HHIPL1: variants seen among roughly 807,000 people sequenced by gnomAD.
The protein encoded by HHIPL1 is HHIP-like protein 1.
HHIPL1 carries 43 observed loss-of-function variants against 61.8 expected under a neutral mutation model. That is an observed-to-expected ratio of 0.70 (90% CI 0.55 to 0.90). The LOEUF (loss-of-function observed/expected upper bound fraction) is 0.90. Ranked by LOEUF, HHIPL1 falls within the 40% of genes least tolerant of loss-of-function variation. The probability of loss-of-function intolerance (pLI) is 0.00; values close to 1 mark genes in which losing one functional copy is unlikely to be tolerated. For synonymous variants in HHIPL1, 482 were observed against 515.8 expected, an observed-to-expected ratio of 0.93 and a Z score of 0.89; for missense variants, 1,056 against 1,157.7, an observed-to-expected ratio of 0.91 and a Z score of 1.28.
the HHIPL1 span, among the ~76,000 whole-genome samples, chr14:99,611,742 T>G: frequency 2.8e-5 from 1 of 35,644 alleles, no homozygotes; most frequent in African/African-American, 4.5e-5. Flanking sequence ...TTTTGGGTTG[T>G]TTTTTTTTTT....
chr14:99,673,061 C>T (rs1323328224), intron 8 of HHIPL1, among the ~76,000 whole-genome samples: 1 of 152,134 alleles, frequency 6.6e-6, no homozygotes, highest in Non-Finnish European at 1.5e-5. Context: ...AAAGTGTTGG[C>T]GACTAGTTCA....
chr14:99,650,074 T>C (rs2055901357), intron 1 of HHIPL1, among the ~76,000 whole-genome samples: 1 of 152,234 alleles, frequency 6.6e-6, no homozygotes, highest in South Asian at 2.1e-4. Context: ...CAAGTGGCCC[T>C]TGGCCAGTCA....
intron 1 of HHIPL1, among the ~76,000 whole-genome samples, chr14:99,646,047 C>T (rs1222183841): frequency 6.6e-6 from 1 of 152,248 alleles, no homozygotes; most frequent in Non-Finnish European, 1.5e-5. Context: ...CTGGGGATGG[C>T]GCCCTGGCCT....
the HHIPL1 span, among the ~76,000 whole-genome samples, chr14:99,614,574 G>A: frequency 6.6e-6 from 1 of 152,166 alleles, no homozygotes; most frequent in Non-Finnish European, 1.5e-5. Flanking sequence ...TCAGAATCTT[G>A]GGAGACAGTG....
chr14:99,617,255 G>A, the HHIPL1 span, among the ~76,000 whole-genome samples: 2 of 152,156 alleles, frequency 1.3e-5, no homozygotes, highest in South Asian at 2.1e-4. Context: ...TGACTTTCAC[G>A]GAATAACATT....
intron 1 of HHIPL1, among the ~76,000 whole-genome samples, chr14:99,647,180 T>A (rs1307872776): frequency 2.0e-5 from 3 of 152,112 alleles, no homozygotes; most frequent in African/African-American, 7.2e-5. Flanking sequence ...TCTGGGAGGA[T>A]GAGGAGGGGG....
intron 2 of HHIPL1, among the ~76,000 whole-genome samples, chr14:99,654,203 A>AG (rs1464228629): frequency 3.0e-4 from 45 of 151,126 alleles, no homozygotes; most frequent in South Asian, 1.0e-3. Flanking sequence ...AAAAAAAAAA[A>AG]AAAAAGAAAA....
At chr14:99,625,891 G>T in the HHIPL1 span, among the ~76,000 whole-genome samples, 2 of 152,106 alleles carry the variant, frequency 1.3e-5, no homozygotes. Context: ...CCCACTCCTC[G>T]TGTGACCTTT....
intron 1 of HHIPL1, among the ~76,000 whole-genome samples, chr14:99,647,489 C>G (rs2055860203): frequency 6.6e-6 from 1 of 152,192 alleles, no homozygotes; most frequent in South Asian, 2.1e-4. Context: ...TGATGCTGTC[C>G]CCTGGCAGGT....
chr14:99,664,492 C>T (rs976194689), intron 6 of HHIPL1, among the ~76,000 whole-genome samples: 12 of 135,000 alleles, frequency 8.9e-5, no homozygotes, highest in South Asian at 6.6e-4. Context: ...GAGTGACACC[C>T]GAGTGTGGAA....
In HHIPL1 at chr14:99,675,889, G is replaced by C. The variant is rs923071415; in HGVS notation, c.*263G>C. On this transcript the variant is annotated 3_prime_UTR_variant, in exon 9 of 9. Coordinates refer to ENST00000330710, the MANE Select transcript of HHIPL1 (RefSeq NM_001127258.3). This position sits in a 1 kb window ranked among gnomAD's most constrained non-coding sequence, Gnocchi z 5.4. The stretch of plus-strand genomic sequence containing the variant: ...AGGAGTTCCTTTCTTACCTCCAAGC[G>C]TTTCAGACACCAGCAGGAACAGCAG... 2.5e-6 allele frequency: 1 copy of C among 397,318 alleles called. No homozygotes were observed. Among genetic ancestry groups the C allele is most frequent in the Non-Finnish European group, 4.5e-6 (1 of 224,688 alleles). 24.6% of individuals were successfully genotyped at this position (397,318 alleles called of 1,614,324 possible).
chr14:99,662,468 G>A (rs890301390), intron 5 of HHIPL1, among the ~76,000 whole-genome samples: 6 of 152,178 alleles, frequency 3.9e-5, no homozygotes, highest in Non-Finnish European at 5.9e-5. Context: ...TGCATTCAGC[G>A]GGCAGTAACC....
intron 3 of HHIPL1, among the ~76,000 whole-genome samples, chr14:99,657,846 A>C (rs2056075969): frequency 6.6e-6 from 1 of 151,788 alleles, no homozygotes; most frequent in Non-Finnish European, 1.5e-5. Context: ...TGCACATACC[A>C]CATACACACA....
rs953745846 is a variant in HHIPL1 at position 99,660,607 on chromosome 14, T to C, written c.1502+201T>C. ...GTATGGTGAGCCTTTGCTGCAGGCC[T>C]CAGTACCTCTATGATAGACACACAA... On this transcript the variant is annotated intron_variant, in intron 5 of 8. Coordinates refer to ENST00000330710, the MANE Select transcript of HHIPL1 (RefSeq NM_001127258.3). The surrounding 1 kb of genome is among the most constrained non-coding windows in gnomAD (Gnocchi z 4.9). 1.3e-5 allele frequency among the ~76,000 whole-genome samples: 2 copies of C among 152,138 alleles called. No individual in the cohort carries two copies. Among genetic ancestry groups the C allele is most frequent in the Admixed American group, 1.3e-4 (2 of 15,290 alleles).
chr14:99,664,464 G>T lies in HHIPL1; in HGVS notation c.1648+1443G>T, dbSNP rs549146401. The stretch of plus-strand genomic sequence containing the variant: ...GGAAGGAAGGTACAGTTCCCAAAAG[G>T]CTGTTCCTCAGCCCTCTGAGTGACA... On this transcript the variant is annotated intron_variant, in intron 6 of 8. Transcript: ENST00000330710. Among the ~76,000 whole-genome samples, 4 of 152,014 alleles carry T rather than the reference G, an allele frequency of 2.6e-5. No homozygotes were observed. The South Asian group carries it at 6.2e-4, about 24-fold the overall frequency.
In HHIPL1 at chr14:99,668,956, G is replaced by T; in HGVS notation, c.1730+653G>T. 1 of 1,594,938 alleles carries T rather than the reference G, an allele frequency of 6.3e-7. No individual in the cohort carries two copies. The highest frequency in any genetic ancestry group is 8.6e-7 in the Non-Finnish European group (1 of 1,167,100). ...ACAAAGACACGAAGTCATGGGCCTG[G>T]GGCCCAGGGCCAGGGTGGGGCCCAG... On this transcript the variant is annotated intron_variant, in intron 7 of 8. Coordinates refer to ENST00000330710, the MANE Select transcript of HHIPL1 (RefSeq NM_001127258.3). This position sits in a 1 kb window ranked among gnomAD's most constrained non-coding sequence, Gnocchi z 4.7.
intron 3 of HHIPL1, among the ~76,000 whole-genome samples, chr14:99,658,010 A>G (rs2056080992): frequency 6.6e-6 from 1 of 152,202 alleles, no homozygotes; most frequent in Admixed American, 6.5e-5. Context: ...CAGGATGTCC[A>G]GGAGTCTCAA....
In HHIPL1 at chr14:99,652,535, G is replaced by A. The variant is rs201640093; in HGVS notation, c.567G>A (p.Val189=). 4.2e-5 allele frequency: 68 copies of A among 1,613,326 alleles called. 1 individual carries two copies. Among genetic ancestry groups the A allele is most frequent in the Non-Finnish European group, 4.9e-5 (58 of 1,180,026 alleles). The change falls in exon 2 of 9, where the codon GTG becomes GTA. Residue 189 remains valine, a synonymous_variant. Coordinates refer to ENST00000330710, the MANE Select transcript of HHIPL1 (RefSeq NM_001127258.3). ...GCCTGCAGCTGTGCCTGGAGGAGGT[G>A]GCCAACGGGCTGCGCAACCCCGTGG... is the stretch of plus-strand genomic sequence containing the variant. The part of the protein sequence containing the change: ...KGCLQLCLEE[V]ANGLRNPVAM...
the HHIPL1 span, among the ~76,000 whole-genome samples, chr14:99,633,491 C>T: frequency 6.6e-6 from 1 of 152,186 alleles, no homozygotes; most frequent in South Asian, 2.1e-4. Flanking sequence ...TGGCTTGAGA[C>T]CTGCAGAGTT....
Sources: gnomAD v4.1 joint callset for allele counts (sites outside exome capture counted in the v4.1 genomes callset) on GRCh38, gnomAD v4.1.1 for gene constraint, Gnocchi (gnomAD v3.1) non-coding constraint, MANE v1.5 for transcripts, NCBI Gene and HGNC (gene_info 2026-07-23, HGNC 2026-07-21) for gene names.